PLEKHM3: variants seen among roughly 807,000 people sequenced by gnomAD.
PLEKHM3 encodes the protein pleckstrin homology domain-containing family M member 3.
In PLEKHM3, 45 loss-of-function variants were observed where a neutral mutation model predicts 81.8. That is an observed-to-expected ratio of 0.55 (90% CI 0.43 to 0.71). PLEKHM3 has a LOEUF of 0.71. Among genes scored for constraint, PLEKHM3 ranks in the 30% least tolerant of loss-of-function variants. PLEKHM3 has a pLI of 0.00. For missense variants in PLEKHM3, 788 were observed against 924.3 expected (o/e 0.85, Z 1.91); for synonymous variants, 352 against 356.4 (o/e 0.99, Z 0.14).
At chr2:208,016,670 T>C (rs36092786) in intron 1 of PLEKHM3, among the ~76,000 whole-genome samples, 24,603 of 59,048 alleles carry the variant, frequency 0.42, 5,185 homozygotes, top group Non-Finnish European at 0.51. Flanking sequence ...AAAAAAAAAA[T>C]ACACACACAC....
At position 207,824,764 on chromosome 2, in the gene PLEKHM3, G is replaced by A. The variant is rs1176722994; in HGVS notation, c.*3555C>T. 1 of 152,246 alleles carries A rather than the reference G, an allele frequency of 6.6e-6. No homozygotes were observed. Among genetic ancestry groups the A allele is most frequent in the Non-Finnish European group, 1.5e-5 (1 of 68,074 alleles). The allele number at this position is 152,246 out of a possible 1,614,324, so 9.4% of individuals were successfully genotyped here. ...GAGGACACACTCTAGCTGAGCAAAGGCTGCATTCGGCAACTAGGGTGGTGT... is the reference window on the plus strand; with the variant it reads ...GAGGACACACTCTAGCTGAGCAAAGACTGCATTCGGCAACTAGGGTGGTGT... On this transcript the variant is annotated 3_prime_UTR_variant, in exon 8 of 8. Transcript: ENST00000427836.
intron 3 of PLEKHM3, among the ~76,000 whole-genome samples, chr2:207,968,641 G>T (rs1442654982): frequency 1.3e-5 from 2 of 152,208 alleles, no homozygotes; most frequent in Non-Finnish European, 2.9e-5. Flanking sequence ...GCCTGTCAGA[G>T]TGGGTGTAGC....
At chr2:207,946,055 A>G (rs1450670867) in intron 4 of PLEKHM3, among the ~76,000 whole-genome samples, 1 of 152,198 alleles carries the variant, frequency 6.6e-6, no homozygotes, top group Non-Finnish European at 1.5e-5. Flanking sequence ...ATCTTCCCAT[A>G]GTGTTGTAAT....
At chr2:207,928,809 G>A (rs559167869) in intron 5 of PLEKHM3, among the ~76,000 whole-genome samples, 50 of 152,372 alleles carry the variant, frequency 3.3e-4, no homozygotes, top group African/African-American at 1.2e-3. Flanking sequence ...AAAAGGAGAG[G>A]AAAGATTTGA....
intron 5 of PLEKHM3, among the ~76,000 whole-genome samples, chr2:207,922,200 C>T (rs948270693): frequency 3.9e-5 from 6 of 152,090 alleles, no homozygotes; most frequent in African/African-American, 7.2e-5. Flanking sequence ...GATGATATCT[C>T]CTTGTGGTTT....
chr2:207,886,361 G>A (rs1296631412), intron 6 of PLEKHM3, among the ~76,000 whole-genome samples: 1 of 152,132 alleles, frequency 6.6e-6, no homozygotes, highest in Non-Finnish European at 1.5e-5. Context: ...CAAAGTCATT[G>A]CATATAAGTG....
At chr2:207,947,292 T>G (rs1170779753) in intron 3 of PLEKHM3, among the ~76,000 whole-genome samples, 1 of 152,218 alleles carries the variant, frequency 6.6e-6, no homozygotes, top group African/African-American at 2.4e-5. Context: ...CTCTGCTCTT[T>G]ACTTCAACAA....
chr2:207,949,384 C>CA lies in PLEKHM3; in HGVS notation c.1547-2873dup, dbSNP rs1225227996. Among the ~76,000 whole-genome samples the CA allele has an allele frequency of 2.0e-5, 3 of 152,122 alleles. No homozygotes were observed. In the East Asian group the frequency reaches 5.8e-4, roughly 29 times the overall value. ...GCAACATGGTGAAACCCCATCTCTA[C>CA]AAAAAAATTAGTGAGGTGTGGTGGC... On this transcript the variant is annotated intron_variant, in intron 3 of 7. Coordinates refer to ENST00000427836, the MANE Select transcript of PLEKHM3 (RefSeq NM_001080475.3).
intron 4 of PLEKHM3, among the ~76,000 whole-genome samples, chr2:207,942,764 G>A (rs1234991267): frequency 1.3e-5 from 2 of 152,156 alleles, no homozygotes; most frequent in African/African-American, 4.8e-5. Context: ...GCTGGGTGTG[G>A]TGGCATGTGC....
intron 5 of PLEKHM3, among the ~76,000 whole-genome samples, chr2:207,924,675 ACT>A (rs1459481593): frequency 6.6e-6 from 1 of 151,992 alleles, no homozygotes; most frequent in Non-Finnish European, 1.5e-5. Flanking sequence ...ACAGAGAGAG[ACT>A]CTGTCTCAAA....
rs532265594 is a variant in PLEKHM3, at chr2:207,822,945, G to C, written c.*5374C>G. On this transcript the variant is annotated 3_prime_UTR_variant, in exon 8 of 8. Coordinates refer to ENST00000427836, the MANE Select transcript of PLEKHM3 (RefSeq NM_001080475.3). ...CCATGAGGCCTGCCTCTGGGCTGGGGCTCAGAACTAGGGGCAAGGAAGATC... is the reference window on the plus strand; with the variant it reads ...CCATGAGGCCTGCCTCTGGGCTGGGCCTCAGAACTAGGGGCAAGGAAGATC... The C allele has an allele frequency of 6.6e-6, 1 of 152,468 alleles. No individual in the cohort carries two copies. Among genetic ancestry groups the C allele is most frequent in the East Asian group, 1.9e-4 (1 of 5,184 alleles). The allele number at this position is 152,468 out of a possible 1,614,324, so 9.4% of individuals were successfully genotyped here.
chr2:207,908,079 T>C (rs1472265683), intron 6 of PLEKHM3, among the ~76,000 whole-genome samples: 1 of 152,240 alleles, frequency 6.6e-6, no homozygotes, highest in African/African-American at 2.4e-5. Context: ...ATTTTGTTCA[T>C]CCATTCATTA....
chr2:207,917,625 T>C (rs1374257989), intron 5 of PLEKHM3, among the ~76,000 whole-genome samples: 1 of 152,028 alleles, frequency 6.6e-6, no homozygotes, highest in Non-Finnish European at 1.5e-5. Flanking sequence ...GAGGATCCCT[T>C]AAACCCAGGA....
intron 3 of PLEKHM3, among the ~76,000 whole-genome samples, chr2:207,970,903 T>C (rs960919510): frequency 6.6e-6 from 1 of 152,186 alleles, no homozygotes; most frequent in Non-Finnish European, 1.5e-5. Flanking sequence ...AGAGATGTAA[T>C]TACCAACAGC....
At chr2:207,832,106 A>G (rs901783212) in intron 7 of PLEKHM3, among the ~76,000 whole-genome samples, 3 of 152,224 alleles carry the variant, frequency 2.0e-5, no homozygotes, top group Admixed American at 1.3e-4. Context: ...GGGGTGATGG[A>G]AGAGCTGAGC....
chr2:208,009,710 GA>G (rs988110564), intron 1 of PLEKHM3, among the ~76,000 whole-genome samples: 1 of 152,162 alleles, frequency 6.6e-6, no homozygotes, highest in African/African-American at 2.4e-5. Context: ...ACTGGGCCTA[GA>G]ACTGTGGTTA....
chr2:207,867,912 A>G (rs988589491), intron 6 of PLEKHM3, among the ~76,000 whole-genome samples: 5 of 152,168 alleles, frequency 3.3e-5, no homozygotes, highest in African/African-American at 1.2e-4. Context: ...CCAGAGGAGC[A>G]TACTACCTTC....
At chr2:207,997,372 G>C (rs1350101392) in intron 2 of PLEKHM3, among the ~76,000 whole-genome samples, 2 of 152,184 alleles carry the variant, frequency 1.3e-5, no homozygotes, top group Non-Finnish European at 2.9e-5. Flanking sequence ...CTTACTACAG[G>C]AGGAAGGAAA....
chr2:207,841,268 C>T (rs1432820468), intron 7 of PLEKHM3, among the ~76,000 whole-genome samples: 1 of 150,070 alleles, frequency 6.7e-6, no homozygotes, highest in Non-Finnish European at 1.5e-5. Flanking sequence ...GGTTCAAGAC[C>T]AGCCTGACCA....
Sources: gnomAD v4.1 joint callset for allele counts (sites outside exome capture counted in the v4.1 genomes callset) on GRCh38, gnomAD v4.1.1 for gene constraint, MANE v1.5 for transcripts, NCBI Gene and HGNC (gene_info 2026-07-23, HGNC 2026-07-21) for gene names.